The following TBC1D26 variants were observed in gnomAD, a reference collection of about 807,000 sequenced individuals.
The protein encoded by TBC1D26 is TBC1 domain family member 26.
TBC1D26 carries 19 observed loss-of-function variants against 42.5 expected under a neutral mutation model. The ratio of observed to expected loss-of-function variants is 0.45; its 90% CI spans 0.31 to 0.66. The LOEUF (loss-of-function observed/expected upper bound fraction) is 0.66, where lower values mean the gene tolerates loss of function less well. TBC1D26 is among the 30% of genes least tolerant of loss of function. TBC1D26 has a pLI of 0.06. For synonymous variants in TBC1D26, 97 were observed against 123.5 expected (o/e 0.79, Z 1.42); for missense variants, 228 against 332.6 (o/e 0.69, Z 2.45).
intron 7 of TBC1D26, 95 bp from the exon 8 acceptor site, chr17:15,738,626 T>G (rs1247011029): frequency 6.4e-7 from 1 of 1,570,068 alleles, no homozygotes; most frequent in East Asian, 2.3e-5. Flanking sequence ...CCTTCCTTCC[T>G]TCCAGAAGTG....
At chr17:15,736,943 A>G (rs1184032129) in intron 4 of TBC1D26, among the ~76,000 whole-genome samples, 3 of 152,190 alleles carry the variant, frequency 2.0e-5, no homozygotes, top group African/African-American at 7.2e-5. Flanking sequence ...AGGCAGGGTG[A>G]GCGGCCAGGA....
chr17:15,742,003 G>C lies in TBC1D26; in HGVS notation c.708G>C (p.Leu236=). Residue 236 remains leucine (L), a synonymous_variant, in exon 11 of 15, where the codon CTG becomes CTC. Coordinates refer to ENST00000437605, the MANE Select transcript of TBC1D26 (RefSeq NM_001388465.1). ...TCCTATCGCACCAGGAGCAGGTGCTGCACAAGTCCTTCCCAAAGATCATGA... is the reference window on the plus strand; with the variant it reads ...TCCTATCGCACCAGGAGCAGGTGCTCCACAAGTCCTTCCCAAAGATCATGA... ...ERLLSHQEQV[L]HKSFPKIMRH... is the part of the protein sequence containing the mutation. The C allele has an allele frequency of 6.2e-7, 1 of 1,614,058 alleles. No individual in the cohort carries two copies. Among genetic ancestry groups the C allele is most frequent in the Non-Finnish European group, 8.5e-7 (1 of 1,179,990 alleles).
chr17:15,741,117 T>C lies in TBC1D26; in HGVS notation c.547-5T>C, dbSNP rs1967763685. Reference sequence around the variant, plus strand: ...ATCTTTCCACGGTGACTCTGGCTCTTGCAGGAGGTGGGCTACCACAGGGAC... The same window carrying C: ...ATCTTTCCACGGTGACTCTGGCTCTCGCAGGAGGTGGGCTACCACAGGGAC... On this transcript the variant is annotated splice_region_variant and splice_polypyrimidine_tract_variant and intron_variant, in intron 9 of 14. Transcript: ENST00000437605. 1.2e-6 allele frequency: 2 copies of C among 1,609,344 alleles called. No homozygotes were observed. Among genetic ancestry groups the C allele is most frequent in the Non-Finnish European group, 1.7e-6 (2 of 1,179,886 alleles).
At chr17:15,744,006 A>G (rs1235192499) in intron 14 of TBC1D26, among the ~76,000 whole-genome samples, 1 of 151,898 alleles carries the variant, frequency 6.6e-6, no homozygotes, top group African/African-American at 2.4e-5. Flanking sequence ...GCATCTAAAA[A>G]AGTAGGGGGC....
At chr17:15,735,532 C>T in intron 3 of TBC1D26, 65 bp from the exon 4 acceptor site, 1 of 1,162,998 alleles carries the variant, frequency 8.6e-7, no homozygotes, top group African/African-American at 1.6e-5. Context: ...AGGGGCTGCC[C>T]ACCTCCCTGG....
chr17:15,743,254 T>G, intron 13 of TBC1D26, 113 bp from the exon 14 acceptor site: 1 of 402,528 alleles, frequency 2.5e-6, no homozygotes, highest in Middle Eastern at 1.2e-3. Flanking sequence ...AACCCCAGGG[T>G]GGCCAAAAAG....
chr17:15,738,931 A>G, intron 8 of TBC1D26, 101 bp downstream of exon 8: 5 of 1,525,762 alleles, frequency 3.3e-6, no homozygotes, highest in Non-Finnish European at 4.5e-6. Flanking sequence ...AGGAGAGGTG[A>G]CAGAGCCACC....
chr17:15,742,143 G>C, intron 11 of TBC1D26, 107 bp downstream of exon 11: 2 of 901,846 alleles, frequency 2.2e-6, no homozygotes, highest in Non-Finnish European at 3.4e-6. Flanking sequence ...CCCAGCCACG[G>C]CCTGACCTGG....
At chr17:15,738,643 G>C in intron 7 of TBC1D26, 78 bp from the exon 8 acceptor site, 1 of 1,588,246 alleles carries the variant, frequency 6.3e-7, no homozygotes, top group East Asian at 2.3e-5. Flanking sequence ...AGTGCTGACT[G>C]TGGGATGACT....
Position 15,735,087 on chromosome 17 carries a change from G to A in TBC1D26, c.-2+17G>A. ...CCAGGGCAGGTGTGTGTCTGCCTTG[G>A]GGTGTTCAGGGACAATAGGCCTCTC... On this transcript the variant is annotated intron_variant, in intron 2 of 14. Coordinates refer to ENST00000437605, the MANE Select transcript of TBC1D26 (RefSeq NM_001388465.1). The A allele has an allele frequency of 1.8e-6, 1 of 558,978 alleles. No homozygotes were observed. Among genetic ancestry groups the A allele is most frequent in the Non-Finnish European group, 3.2e-6 (1 of 313,348 alleles). The allele number at this position is 558,978 out of a possible 1,614,324, so 34.6% of individuals were successfully genotyped here.
In TBC1D26 at chr17:15,744,724, A is replaced by G. The variant is rs1005431491; in HGVS notation, c.*132A>G. On this transcript the variant is annotated 3_prime_UTR_variant, in exon 15 of 15. Coordinates refer to ENST00000437605, the MANE Select transcript of TBC1D26 (RefSeq NM_001388465.1). Reference sequence around the variant, plus strand: ...AGGAGGAGGCCTGAAACAGCTCCTGAAAATGAGAGGGAAAAGGAAGGTGTA... The same window carrying G: ...AGGAGGAGGCCTGAAACAGCTCCTGGAAATGAGAGGGAAAAGGAAGGTGTA... 2.6e-5 allele frequency: 4 copies of G among 152,266 alleles called. No individual in the cohort carries two copies. Among genetic ancestry groups the G allele is most frequent in the African/African-American group, 9.6e-5 (4 of 41,462 alleles). The allele number at this position is 152,266 out of a possible 1,614,324, so 9.4% of individuals were successfully genotyped here. A position where few individuals can be genotyped will look rare whatever the true frequency, so the allele number is the denominator to read the frequency against.
At chr17:15,733,556 G>T (rs1181591788) in intron 1 of TBC1D26, among the ~76,000 whole-genome samples, 1 of 152,214 alleles carries the variant, frequency 6.6e-6, no homozygotes, top group Non-Finnish European at 1.5e-5. Context: ...CTGGCCACAG[G>T]CCTCAAGGGA....
chr17:15,741,143 C>T lies in TBC1D26; in HGVS notation c.568C>T (p.Leu190=). 6.2e-7 allele frequency: 1 copy of T among 1,612,488 alleles called. No individual in the cohort carries two copies. The highest frequency in any genetic ancestry group is 1.3e-5 in the African/African-American group (1 of 75,052). ...GCAGGAGGTGGGCTACCACAGGGAC[C>T]TGAGCCGCATCACTGCCATCCTCCT... ...YNPEVGYHRD[L]SRITAILLLC... Residue 190 remains leucine, a synonymous_variant, in exon 10 of 15, where the codon CTG becomes TTG. Coordinates refer to ENST00000437605, the MANE Select transcript of TBC1D26 (RefSeq NM_001388465.1).
Position 15,735,163 on chromosome 17 carries a change from T to G in TBC1D26, c.-2+93T>G. 9 of 675,786 alleles carry G rather than the reference T, an allele frequency of 1.3e-5. No homozygotes were observed. In the South Asian group the frequency reaches 1.7e-4, roughly 13 times the overall value. 41.9% of individuals were successfully genotyped at this position (675,786 alleles called of 1,614,324 possible). ...CCTCAGGAAGGAGCCCACCACTGGT[T>G]GGAGGCAAGGACTTCAGAGATCTAG... is the stretch of plus-strand genomic sequence containing the variant. On this transcript the variant is annotated intron_variant, in intron 2 of 14. Transcript: ENST00000437605.
intron 9 of TBC1D26, chr17:15,740,351 T>A: frequency 6.6e-7 from 1 of 1,504,334 alleles, no homozygotes; most frequent in Non-Finnish European, 8.8e-7. Context: ...ACGTCTCAGA[T>A]GAAGAAACGA....
chr17:15,739,739 G>A (rs748178102), intron 8 of TBC1D26, among the ~76,000 whole-genome samples: 16 of 152,396 alleles, frequency 1.0e-4, no homozygotes, highest in African/African-American at 3.4e-4. Flanking sequence ...TGAAGGAGCC[G>A]CTCTGGGAGG....
chr17:15,737,738 G>C lies in TBC1D26; in HGVS notation c.198+215G>C, dbSNP rs571622185. On this transcript the variant is annotated intron_variant, in intron 5 of 14. Coordinates refer to ENST00000437605, the MANE Select transcript of TBC1D26 (RefSeq NM_001388465.1). Reference sequence around the variant, plus strand: ...AGTCCTGGCTCAGAGTCCACTGCCTGTTTGAACCAAGACCCCAGCTGAAGG... The same window carrying C: ...AGTCCTGGCTCAGAGTCCACTGCCTCTTTGAACCAAGACCCCAGCTGAAGG... 206 of 849,356 alleles carry C rather than the reference G, an allele frequency of 2.4e-4. No homozygotes were observed. The Middle Eastern group carries it at 3.9e-3, about 16-fold the overall frequency. 52.6% of individuals were successfully genotyped at this position (849,356 alleles called of 1,614,324 possible).
At chr17:15,741,417 C>T (rs1256867186) in intron 10 of TBC1D26, 196 bp downstream of exon 10, 3 of 920,718 alleles carry the variant, frequency 3.3e-6, no homozygotes, top group African/African-American at 1.7e-5. Flanking sequence ...AACCCCCTCA[C>T]CTCAAGTCAG....
chr17:15,741,702 C>G (rs1483387024), intron 10 of TBC1D26: 1 of 550,186 alleles, frequency 1.8e-6, no homozygotes. Context: ...TCCCCGCTGG[C>G]GCCTGCCTTG....
Sources: allele counts gnomAD v4.1 joint callset (sites outside exome capture counted in the v4.1 genomes callset), GRCh38; gene constraint gnomAD v4.1.1; transcripts MANE v1.5; gene names NCBI Gene and HGNC (gene_info 2026-07-23, HGNC 2026-07-21).